Variants in WDR25 observed in about 807,000 individuals in gnomAD.
WDR25 encodes the protein WD repeat-containing protein 25.
WDR25 carries 35 observed loss-of-function variants against 47.7 expected under a neutral mutation model. The ratio of observed to expected loss-of-function variants is 0.73; its 90% CI spans 0.56 to 0.97. The LOEUF (loss-of-function observed/expected upper bound fraction) is 0.97, where lower values mean the gene tolerates loss of function less well. Ranked by LOEUF, WDR25 falls within the 50% of genes least tolerant of loss-of-function variation. The probability of loss-of-function intolerance (pLI) is 0.00; values close to 1 mark genes in which losing one functional copy is unlikely to be tolerated. For missense variants in WDR25, 634 were observed against 704.7 expected (o/e 0.90, Z 1.14); for synonymous variants, 248 against 278.9 (o/e 0.89, Z 1.10).
At chr14:100,433,912 A>G (rs1237945689) in intron 2 of WDR25, among the ~76,000 whole-genome samples, 1 of 152,088 alleles carries the variant, frequency 6.6e-6, no homozygotes, top group Non-Finnish European at 1.5e-5. Flanking sequence ...GGTTCCTTTT[A>G]GTGGAGAAAG....
intron 3 of WDR25, among the ~76,000 whole-genome samples, chr14:100,474,704 G>T (rs1899960546): frequency 6.6e-6 from 1 of 152,232 alleles, no homozygotes; most frequent in Non-Finnish European, 1.5e-5. Context: ...CTTGTCCAGA[G>T]AATTAAAAGC....
chr14:100,465,109 T>C (rs949811053), intron 2 of WDR25, among the ~76,000 whole-genome samples: 1 of 152,158 alleles, frequency 6.6e-6, no homozygotes, highest in Non-Finnish European at 1.5e-5. Flanking sequence ...TCCTCATGCA[T>C]GTTTTTATAG....
chr14:100,428,202 G>C lies in WDR25; in HGVS notation c.823-39819G>C, dbSNP rs1388537885. ...TTGGCACTGACCCGTCTAGAATTCT[G>C]TGTGCGGAGTGGAGGTGAGATGCTG... On this transcript the variant is annotated intron_variant, in intron 2 of 6. Transcript: ENST00000402312. This position sits in a 1 kb window ranked among gnomAD's most constrained non-coding sequence, Gnocchi z 4.3. Among the ~76,000 whole-genome samples, 1 of 152,222 alleles carries C rather than the reference G, an allele frequency of 6.6e-6. No individual in the cohort carries two copies. The highest frequency in any genetic ancestry group is 2.4e-5 in the African/African-American group (1 of 41,456).
chr14:100,410,410 C>A (rs1489180342), intron 2 of WDR25, among the ~76,000 whole-genome samples: 1 of 152,106 alleles, frequency 6.6e-6, no homozygotes, highest in Non-Finnish European at 1.5e-5. Context: ...GAGAATTGTA[C>A]CCACCACTAG....
At chr14:100,380,068 G>A (rs1023127557) in intron 1 of WDR25, among the ~76,000 whole-genome samples, 6 of 131,228 alleles carry the variant, frequency 4.6e-5, no homozygotes, top group African/African-American at 1.7e-4. Context: ...CTCTTTTTGA[G>A]ATGGAGTCTC....
At chr14:100,517,600 T>C (rs942307729) in intron 4 of WDR25, among the ~76,000 whole-genome samples, 1 of 152,162 alleles carries the variant, frequency 6.6e-6, no homozygotes, top group African/African-American at 2.4e-5. Flanking sequence ...TCCTAGCACT[T>C]TGGGAGGCCA....
At chr14:100,466,799 C>T (rs945865013) in intron 2 of WDR25, among the ~76,000 whole-genome samples, 3 of 152,232 alleles carry the variant, frequency 2.0e-5, no homozygotes, top group Non-Finnish European at 4.4e-5. Context: ...GAGCACTGCC[C>T]TCATCCTGCA....
intron 3 of WDR25, among the ~76,000 whole-genome samples, chr14:100,479,942 G>T (rs997055997): frequency 2.6e-5 from 4 of 152,166 alleles, no homozygotes; most frequent in African/African-American, 9.7e-5. Flanking sequence ...CTGGTGATCT[G>T]AGGTGGGACA....
rs1004718452 is a variant in WDR25 at position 100,523,267 on chromosome 14, C to T, written c.1102-2603C>T. Among the ~76,000 whole-genome samples the T allele has an allele frequency of 2.0e-5, 3 of 152,220 alleles. No individual in the cohort carries two copies. Among genetic ancestry groups the T allele is most frequent in the Non-Finnish European group, 2.9e-5 (2 of 68,036 alleles). ...AAGGGTGACCCAGAAATGTGGGCAG[C>T]AGGGCGTCTGTGCCAGGAGCTCACA... On this transcript the variant is annotated intron_variant, in intron 4 of 6. Transcript: ENST00000402312. This position sits in a 1 kb window ranked among gnomAD's most constrained non-coding sequence, Gnocchi z 4.7.
At chr14:100,376,573 C>G in intron 1 of WDR25, 78 bp downstream of exon 1, 1 of 1,231,882 alleles carries the variant, frequency 8.1e-7, no homozygotes, top group East Asian at 3.2e-5. Flanking sequence ...TGCCGCTTAA[C>G]GCGGTCTCTC....
intron 2 of WDR25, among the ~76,000 whole-genome samples, chr14:100,393,715 G>C (rs1027599457): frequency 6.6e-6 from 1 of 152,192 alleles, no homozygotes; most frequent in South Asian, 2.1e-4. Flanking sequence ...GCCTGGAGGG[G>C]TGTAGTGCAG....
chr14:100,422,471 T>G (rs1408862068), intron 2 of WDR25, among the ~76,000 whole-genome samples: 1 of 152,208 alleles, frequency 6.6e-6, no homozygotes, highest in Non-Finnish European at 1.5e-5. Context: ...CAAGGGAGAT[T>G]GGACTCCACC....
rs1056556304 is a variant in WDR25, at chr14:100,414,995, G to T, written c.822+33249G>T. Among the ~76,000 whole-genome samples the T allele has an allele frequency of 6.6e-5, 10 of 152,248 alleles. No individual in the cohort carries two copies. The South Asian group carries it at 1.9e-3, about 28-fold the overall frequency. ...GGGGTGAGAGCAGGGGGAGCAGCAA[G>T]GGGGCAGAGGCAGCTGTCAGGTGAG... On this transcript the variant is annotated intron_variant, in intron 2 of 6. Coordinates refer to ENST00000402312, the MANE Select transcript of WDR25 (RefSeq NM_001161476.3).
chr14:100,433,951 C>A (rs905035342), intron 2 of WDR25, among the ~76,000 whole-genome samples: 1 of 151,890 alleles, frequency 6.6e-6, no homozygotes, highest in South Asian at 2.1e-4. Context: ...TTTGGCCAGG[C>A]ATAGTGGCTC....
At chr14:100,496,028 G>A (rs1270721048) in intron 4 of WDR25, among the ~76,000 whole-genome samples, 1 of 152,202 alleles carries the variant, frequency 6.6e-6, no homozygotes, top group Non-Finnish European at 1.5e-5. Context: ...GAAACTGCTA[G>A]ACTGTTTTCC....
At chr14:100,405,003 C>A (rs1008947917) in intron 2 of WDR25, among the ~76,000 whole-genome samples, 13 of 152,098 alleles carry the variant, frequency 8.5e-5, no homozygotes, top group African/African-American at 2.2e-4. Context: ...TGTCCTCTTG[C>A]CCCCACCTCA....
chr14:100,491,289 A>C (rs907900471), intron 4 of WDR25, among the ~76,000 whole-genome samples: 1 of 152,338 alleles, frequency 6.6e-6, no homozygotes, highest in Non-Finnish European at 1.5e-5. Context: ...TAGTGGGGCA[A>C]GACTGTGAAC....
intron 4 of WDR25, among the ~76,000 whole-genome samples, chr14:100,503,324 C>A (rs1032946324): frequency 6.6e-6 from 1 of 152,136 alleles, no homozygotes; most frequent in Non-Finnish European, 1.5e-5. Context: ...GAAAGGTGTC[C>A]TCCCCCTGCC....
chr14:100,404,391 A>C lies in WDR25; in HGVS notation c.822+22645A>C, dbSNP rs8020088. 0.079 allele frequency among the ~76,000 whole-genome samples: 12,024 copies of C among 152,274 alleles called. 1,456 individuals are homozygous for C. The highest frequency in any genetic ancestry group is 0.26 in the African/African-American group (10,894 of 41,510). Reference sequence around the variant, plus strand: ...TTTTCCTGTAGAATCAGTGTTATTCATGGCAGTGAGGGCCTGGTCTCAAAA... The same window carrying C: ...TTTTCCTGTAGAATCAGTGTTATTCCTGGCAGTGAGGGCCTGGTCTCAAAA... On this transcript the variant is annotated intron_variant, in intron 2 of 6. Coordinates refer to ENST00000402312, the MANE Select transcript of WDR25 (RefSeq NM_001161476.3). The surrounding 1 kb of genome is among the most constrained non-coding windows in gnomAD (Gnocchi z 4.6).
Sources: gnomAD v4.1 joint callset for allele counts (sites outside exome capture counted in the v4.1 genomes callset) on GRCh38, gnomAD v4.1.1 for gene constraint, Gnocchi (gnomAD v3.1) non-coding constraint, MANE v1.5 for transcripts, NCBI Gene and HGNC (gene_info 2026-07-23, HGNC 2026-07-21) for gene names.